PPFIBP1: variants seen among roughly 807,000 people sequenced by gnomAD.
PPFIBP1 encodes the protein liprin-beta-1.
In PPFIBP1, 112 loss-of-function variants were observed where a neutral mutation model predicts 137.8. The observed-to-expected ratio is 0.81, with a 90% CI of 0.70 to 0.95. The LOEUF (loss-of-function observed/expected upper bound fraction) is 0.95. Ranked by LOEUF, PPFIBP1 falls within the 40% of genes least tolerant of loss-of-function variation. PPFIBP1 has a pLI of 0.00. For missense variants in PPFIBP1, 1,083 were observed against 1,196.6 expected (o/e 0.91, Z 1.40); for synonymous variants, 378 against 417.3 (o/e 0.91, Z 1.15).
chr12:27,650,647 G>A (rs2058822310), intron 7 of PPFIBP1, among the ~76,000 whole-genome samples: 1 of 152,192 alleles, frequency 6.6e-6, no homozygotes, highest in African/African-American at 2.4e-5. Context: ...TGTTCCACAT[G>A]TAAATCATTC....
chr12:27,649,973 A>G (rs2058776893), intron 6 of PPFIBP1, 37 bp from the exon 7 acceptor site: 1 of 1,571,664 alleles, frequency 6.4e-7, no homozygotes, highest in South Asian at 1.1e-5. Context: ...TGTTTATAAT[A>G]AAAGACTTCT....
At chr12:27,692,394 T>A (rs1184754305) in intron 28 of PPFIBP1, among the ~76,000 whole-genome samples, 197 bp from the exon 29 acceptor site, 2 of 152,238 alleles carry the variant, frequency 1.3e-5, no homozygotes, top group African/African-American at 4.8e-5. Flanking sequence ...TTAGACTAGC[T>A]GTGTCAGTAA....
At chr12:27,595,669 A>T (rs11049061) in intron 2 of PPFIBP1, among the ~76,000 whole-genome samples, 13,869 of 151,974 alleles carry the variant, frequency 0.091, 748 homozygotes, top group African/African-American at 0.14. Flanking sequence ...AGCCTGACCA[A>T]CATGGAGAAA....
intron 1 of PPFIBP1, among the ~76,000 whole-genome samples, chr12:27,531,566 G>A (rs1944434807): frequency 6.6e-6 from 1 of 151,852 alleles, no homozygotes. Context: ...GCCTCCCAAA[G>A]TGCTGGGATT....
At chr12:27,690,113 T>A (rs969857055) in intron 27 of PPFIBP1, among the ~76,000 whole-genome samples, 4 of 152,080 alleles carry the variant, frequency 2.6e-5, no homozygotes, top group Admixed American at 6.6e-5. Context: ...CTCTAACAAG[T>A]TGAAGGAACA....
chr12:27,688,969 G>C, intron 26 of PPFIBP1, 46 bp from the exon 27 acceptor site: 1 of 1,560,816 alleles, frequency 6.4e-7, no homozygotes, highest in Non-Finnish European at 8.7e-7. Flanking sequence ...AAACATGTAT[G>C]ATTTGTGGTG....
intron 8 of PPFIBP1, chr12:27,655,259 G>T: frequency 1.4e-6 from 2 of 1,421,504 alleles, no homozygotes; most frequent in Non-Finnish European, 9.6e-7. Context: ...TGGGTGATGG[G>T]GTCCATGGCC....
intron 1 of PPFIBP1, among the ~76,000 whole-genome samples, chr12:27,531,097 A>G (rs1248063150): frequency 1.3e-5 from 2 of 152,208 alleles, no homozygotes; most frequent in Admixed American, 6.5e-5. Flanking sequence ...TTAAAAATAA[A>G]AACGTGTTAT....
At chr12:27,688,173 A>G in intron 25 of PPFIBP1, 125 bp from the exon 26 acceptor site, 1 of 1,121,862 alleles carries the variant, frequency 8.9e-7, no homozygotes, top group South Asian at 1.7e-5. Flanking sequence ...GAAATTCTTT[A>G]AAAGAGAATT....
chr12:27,540,235 T>G (rs1044925605), intron 1 of PPFIBP1, among the ~76,000 whole-genome samples: 5 of 151,754 alleles, frequency 3.3e-5, no homozygotes, highest in African/African-American at 1.2e-4. Flanking sequence ...TTTTTTTTTT[T>G]TGTAGAGACT....
At chr12:27,614,417 G>A (rs1181819994) in intron 2 of PPFIBP1, among the ~76,000 whole-genome samples, 1 of 152,082 alleles carries the variant, frequency 6.6e-6, no homozygotes, top group Non-Finnish European at 1.5e-5. Context: ...CCCAGCCCAC[G>A]ACTTCTTTAA....
At chr12:27,628,848 T>C (rs1565898278) in intron 2 of PPFIBP1, among the ~76,000 whole-genome samples, 1 of 152,188 alleles carries the variant, frequency 6.6e-6, no homozygotes, top group Non-Finnish European at 1.5e-5. Flanking sequence ...AGAGAACTGA[T>C]AAATCATGCA....
intron 2 of PPFIBP1, among the ~76,000 whole-genome samples, chr12:27,589,757 G>T (rs547278955): frequency 1.0e-3 from 154 of 152,320 alleles, no homozygotes; most frequent in African/African-American, 3.4e-3. Context: ...AATTGCGAGA[G>T]TAAGAATTAA....
chr12:27,538,150 G>A (rs185727647), intron 1 of PPFIBP1: 3 of 152,438 alleles, frequency 2.0e-5, no homozygotes, highest in East Asian at 3.9e-4. Context: ...ATGGCTTTAA[G>A]TCCAGCAAAC....
chr12:27,592,625 A>G (rs1430328742), intron 2 of PPFIBP1: 2 of 1,595,442 alleles, frequency 1.3e-6, no homozygotes, highest in South Asian at 1.1e-5. Context: ...CTGAAGGCCC[A>G]CCCAAAGTTC....
At chr12:27,585,263 T>C (rs1179028125) in intron 2 of PPFIBP1, among the ~76,000 whole-genome samples, 1 of 152,258 alleles carries the variant, frequency 6.6e-6, no homozygotes, top group Non-Finnish European at 1.5e-5. Flanking sequence ...CTTTGTACTA[T>C]AAGTCTGTAG....
intron 4 of PPFIBP1, among the ~76,000 whole-genome samples, chr12:27,643,645 T>C (rs2058269005): frequency 2.8e-5 from 2 of 71,854 alleles, no homozygotes; most frequent in Middle Eastern, 5.3e-3. Flanking sequence ...ACCTGGTAGG[T>C]AGAACGTGGG....
intron 1 of PPFIBP1, among the ~76,000 whole-genome samples, chr12:27,531,980 G>A (rs930295883): frequency 5.9e-5 from 9 of 152,272 alleles, no homozygotes; most frequent in Non-Finnish European, 1.3e-4. Context: ...GTTACTAGCT[G>A]TGTGATTTTG....
intron 1 of PPFIBP1, among the ~76,000 whole-genome samples, chr12:27,571,182 G>A (rs901760371): frequency 2.2e-4 from 33 of 152,220 alleles, no homozygotes; most frequent in Admixed American, 7.8e-4. Flanking sequence ...ACCTGGTTCT[G>A]CTTAATATTC....
Sources: allele counts gnomAD v4.1 joint callset (sites outside exome capture counted in the v4.1 genomes callset), GRCh38; gene constraint gnomAD v4.1.1; transcripts MANE v1.5; gene names NCBI Gene and HGNC (gene_info 2026-07-23, HGNC 2026-07-21).